Variants in PPP1R12B observed in about 807,000 individuals in gnomAD.
PPP1R12B encodes the protein protein phosphatase 1 regulatory subunit 12B.
PPP1R12B carries 76 observed loss-of-function variants against 126.1 expected under a neutral mutation model. That is an observed-to-expected ratio of 0.60 (90% confidence interval 0.50 to 0.73). The LOEUF (loss-of-function observed/expected upper bound fraction) is 0.73. PPP1R12B is among the 30% of genes least tolerant of loss of function. The probability of loss-of-function intolerance (pLI) is 0.00; values close to 1 mark genes in which losing one functional copy is unlikely to be tolerated. For synonymous variants in PPP1R12B, 356 were observed against 434.7 expected (o/e 0.82, Z 2.25); for missense variants, 1,052 against 1,205.1 (o/e 0.87, Z 1.88).
intron 17 of PPP1R12B, 83 bp downstream of exon 17, chr1:202,495,765 G>T (rs760610579): frequency 2.5e-5 from 30 of 1,214,346 alleles, no homozygotes; most frequent in Non-Finnish European, 3.1e-5. Flanking sequence ...AAAGAGTCCC[G>T]CATGGTGCCA....
intron 13 of PPP1R12B, among the ~76,000 whole-genome samples, chr1:202,452,832 C>CTCTTT (rs1558248207): frequency 7.0e-6 from 1 of 142,230 alleles, no homozygotes; most frequent in African/African-American, 2.6e-5. Flanking sequence ...CTCTCTCTCT[C>CTCTTT]TTTTTTTTTT....
chr1:202,552,997 A>G (rs1259618618), intron 18 of PPP1R12B, among the ~76,000 whole-genome samples: 2 of 152,200 alleles, frequency 1.3e-5, no homozygotes, highest in African/African-American at 4.8e-5. Context: ...CATTTCACAA[A>G]TCAAAACCAG....
At chr1:202,462,982 G>C (rs1280169781) in intron 13 of PPP1R12B, 1 of 985,322 alleles carries the variant, frequency 1.0e-6, no homozygotes. Context: ...GGGTGTTCTG[G>C]GGAATTGAGA....
At chr1:202,471,047 C>G (rs1675806421) in intron 13 of PPP1R12B, among the ~76,000 whole-genome samples, 1 of 152,082 alleles carries the variant, frequency 6.6e-6, no homozygotes, top group African/African-American at 2.4e-5. Flanking sequence ...TCCTGTGTAT[C>G]TCTCCTCAGT....
At chr1:202,376,972 CTTTT>C (rs1400117272) in intron 1 of PPP1R12B, among the ~76,000 whole-genome samples, 1 of 152,028 alleles carries the variant, frequency 6.6e-6, no homozygotes, top group African/African-American at 2.4e-5. Context: ...ATTTTTTTGG[CTTTT>C]TTGTTTTGTT....
chr1:202,411,406 A>G (rs1252750177), intron 1 of PPP1R12B, among the ~76,000 whole-genome samples: 5 of 152,120 alleles, frequency 3.3e-5, no homozygotes, highest in Non-Finnish European at 1.5e-5. Context: ...TTTTATTCAT[A>G]TAGCTCCTGA....
chr1:202,429,061 G>A (rs1669895561), intron 6 of PPP1R12B, 132 bp downstream of exon 6: 1 of 696,664 alleles, frequency 1.4e-6, no homozygotes. Flanking sequence ...GATGTTAATT[G>A]TTCACTTCAG....
chr1:202,512,500 C>G (rs1171486994), intron 18 of PPP1R12B, among the ~76,000 whole-genome samples: 1 of 152,168 alleles, frequency 6.6e-6, no homozygotes, highest in Non-Finnish European at 1.5e-5. Flanking sequence ...CTTGTTGCAT[C>G]TCTTATTAGC....
At chr1:202,350,518 G>A (rs549282448) in intron 1 of PPP1R12B, among the ~76,000 whole-genome samples, 1 of 152,280 alleles carries the variant, frequency 6.6e-6, no homozygotes, top group East Asian at 1.9e-4. Context: ...ACTTAATAAG[G>A]AGCTGAATGT....
intron 8 of PPP1R12B, among the ~76,000 whole-genome samples, chr1:202,433,563 A>G (rs946713774): frequency 1.3e-5 from 2 of 152,170 alleles, no homozygotes; most frequent in Admixed American, 1.3e-4. Flanking sequence ...CTGTACATAG[A>G]TAAGGACATA....
intron 12 of PPP1R12B, chr1:202,445,353 C>A: frequency 1.2e-6 from 1 of 830,146 alleles, no homozygotes; most frequent in Non-Finnish European, 1.6e-6. Context: ...GAGAAAATGT[C>A]TGAATTTAAT....
At chr1:202,404,665 A>G (rs1666336194) in intron 1 of PPP1R12B, among the ~76,000 whole-genome samples, 1 of 151,650 alleles carries the variant, frequency 6.6e-6, no homozygotes, top group African/African-American at 2.4e-5. Flanking sequence ...ACGCCTGGCT[A>G]ATTTTTTGTA....
At chr1:202,431,769 C>T (rs770309592) in intron 8 of PPP1R12B, 150 bp downstream of exon 8, 15 of 715,140 alleles carry the variant, frequency 2.1e-5, no homozygotes, top group Non-Finnish European at 3.3e-5. Flanking sequence ...CCAGTGACCA[C>T]CTGATATAAA....
intron 1 of PPP1R12B, among the ~76,000 whole-genome samples, chr1:202,398,422 A>T (rs1436903562): frequency 6.6e-6 from 1 of 152,210 alleles, no homozygotes; most frequent in Admixed American, 6.5e-5. Flanking sequence ...TGTGATCTGA[A>T]TCTTCACTGA....
intron 8 of PPP1R12B, among the ~76,000 whole-genome samples, chr1:202,434,122 C>T (rs539416089): frequency 5.8e-4 from 89 of 152,282 alleles, no homozygotes; most frequent in African/African-American, 2.0e-3. Context: ...CTTTGCACCA[C>T]ACTTAAACAT....
intron 1 of PPP1R12B, among the ~76,000 whole-genome samples, chr1:202,409,381 G>T (rs1310964083): frequency 4.0e-5 from 6 of 150,542 alleles, no homozygotes; most frequent in Non-Finnish European, 7.4e-5. Flanking sequence ...GAGAGCAGTG[G>T]CATGATCTCG....
At chr1:202,418,472 CTT>C (rs3835589) in intron 2 of PPP1R12B, among the ~76,000 whole-genome samples, 44 of 148,168 alleles carry the variant, frequency 3.0e-4, no homozygotes, top group East Asian at 1.4e-3. Flanking sequence ...ATTATAATTG[CTT>C]TTTTTTTTTT....
chr1:202,468,211 A>G (rs917020837), intron 13 of PPP1R12B, among the ~76,000 whole-genome samples: 14 of 152,248 alleles, frequency 9.2e-5, no homozygotes, highest in Non-Finnish European at 1.6e-4. Flanking sequence ...TTTGCTGTGC[A>G]GAAGCTCTTT....
chr1:202,429,154 A>G (rs1156845955), intron 6 of PPP1R12B, among the ~76,000 whole-genome samples: 1 of 152,236 alleles, frequency 6.6e-6, no homozygotes, highest in African/African-American at 2.4e-5. Context: ...ATAGCCTTCA[A>G]GAAGCTGAAA....
Sources: allele counts gnomAD v4.1 joint callset (sites outside exome capture counted in the v4.1 genomes callset), GRCh38; gene constraint gnomAD v4.1.1; transcripts MANE v1.5; gene names NCBI Gene and HGNC (gene_info 2026-07-23, HGNC 2026-07-21).